Variants in VCPIP1 observed in about 807,000 individuals in gnomAD.
VCPIP1 encodes valosin containing protein interacting protein 1.
VCPIP1 carries 8 observed loss-of-function variants against 85.0 expected under a neutral mutation model. The ratio of observed to expected loss-of-function variants is 0.09; its 90% CI spans 0.06 to 0.17. VCPIP1 has a LOEUF of 0.17. Among genes scored for constraint, VCPIP1 ranks in the 10% least tolerant of loss-of-function variants. VCPIP1 has a pLI of 1.00. For missense variants in VCPIP1, 1,070 were observed against 1,486.3 expected (o/e 0.72, Z 4.61); for synonymous variants, 543 against 544.5 (o/e 1.00, Z 0.04).
In VCPIP1 at chr8:66,630,059, G is replaced by A. The variant is rs897748913; in HGVS notation, c.*4442C>T. On this transcript the variant is annotated 3_prime_UTR_variant, in exon 3 of 3. Coordinates refer to ENST00000310421, the MANE Select transcript of VCPIP1 (RefSeq NM_025054.5). ...AAAGAACATAAAATTACCTTTAAAA[G>A]CTAATGTGGAGAATTTCAGGGGAAA... 1.3e-5 allele frequency: 2 copies of A among 152,026 alleles called. No homozygotes were observed. The highest frequency in any genetic ancestry group is 4.8e-5 in the African/African-American group (2 of 41,366). 9.4% of individuals were successfully genotyped at this position (152,026 alleles called of 1,614,324 possible).
intron 2 of VCPIP1, among the ~76,000 whole-genome samples, chr8:66,640,506 T>G (rs114508893): frequency 0.026 from 3,998 of 152,272 alleles, 185 homozygotes; most frequent in African/African-American, 0.09. Context: ...AGGCCCACCC[T>G]CAAGCCTGGA....
chr8:66,665,149 T>G lies in VCPIP1; in HGVS notation c.1810A>C (p.Arg604=). 6.2e-7 allele frequency: 1 copy of G among 1,611,794 alleles called. No homozygotes were observed. Among genetic ancestry groups the G allele is most frequent in the South Asian group, 1.1e-5 (1 of 90,860 alleles). ...TACTGGAACCAATATACTGTTTCTC[T>G]GACCACTCTTCCACCCCATTCTAAA... is the stretch of plus-strand genomic sequence containing the variant. ...ITLEWGGRVV[R]ETVYWFQYES... is the part of the protein sequence containing the mutation. Residue 604 remains arginine, a synonymous_variant, in exon 1 of 3, where the codon AGA becomes CGA. Coordinates refer to ENST00000310421, the MANE Select transcript of VCPIP1 (RefSeq NM_025054.5). This position sits in a 1 kb window ranked among gnomAD's most constrained non-coding sequence, Gnocchi z 4.3.
At chr8:66,636,331 C>T (rs1446665705) in intron 2 of VCPIP1, among the ~76,000 whole-genome samples, 1 of 151,290 alleles carries the variant, frequency 6.6e-6, no homozygotes, top group African/African-American at 2.4e-5. Context: ...AATCATAGTT[C>T]CACACATGTT....
Position 66,634,192 on chromosome 8 carries a change from T to C in VCPIP1, c.*309A>G, listed in dbSNP as rs1368233469. 1 of 218,984 alleles carries C rather than the reference T, an allele frequency of 4.6e-6. No homozygotes were observed. The highest frequency in any genetic ancestry group is 8.9e-6 in the Non-Finnish European group (1 of 112,560). 13.6% of individuals were successfully genotyped at this position (218,984 alleles called of 1,614,324 possible). On this transcript the variant is annotated 3_prime_UTR_variant, in exon 3 of 3. Coordinates refer to ENST00000310421, the MANE Select transcript of VCPIP1 (RefSeq NM_025054.5). The stretch of plus-strand genomic sequence containing the variant: ...TCAAACGTATTTAAGTAAGAGAATT[T>C]TCATGTTGGAAACATTAAGACTTTC...
intron 2 of VCPIP1, among the ~76,000 whole-genome samples, chr8:66,638,563 A>AG (rs1438904646): frequency 6.6e-6 from 1 of 151,458 alleles, no homozygotes; most frequent in Non-Finnish European, 1.5e-5. Flanking sequence ...GTGGATCACG[A>AG]GGTCAGCAGA....
chr8:66,655,273 T>C (rs1811088689), intron 1 of VCPIP1, among the ~76,000 whole-genome samples: 1 of 152,238 alleles, frequency 6.6e-6, no homozygotes, highest in African/African-American at 2.4e-5. Flanking sequence ...GCAACACTCA[T>C]AGTATTGGTT....
At chr8:66,648,683 T>C (rs1811021906) in intron 2 of VCPIP1, among the ~76,000 whole-genome samples, 1 of 152,088 alleles carries the variant, frequency 6.6e-6, no homozygotes, top group South Asian at 2.1e-4. Context: ...GCCTCCCAAG[T>C]AGCTGGGACT....
In VCPIP1 at chr8:66,629,035, ATTAT is replaced by A. The variant is rs1241633642; in HGVS notation, c.*5462_*5465del. ...AGTAAAATAAGTTTTAATGTAACAAATTATTTAAATAATGTGTGCCCTGTGAGGA... is the reference window on the plus strand; with the variant it reads ...AGTAAAATAAGTTTTAATGTAACAAATTAAATAATGTGTGCCCTGTGAGGA... On this transcript the variant is annotated 3_prime_UTR_variant, in exon 3 of 3. Transcript: ENST00000310421. 1 of 152,240 alleles carries A rather than the reference ATTAT, an allele frequency of 6.6e-6. No individual in the cohort carries two copies. Among genetic ancestry groups the A allele is most frequent in the Non-Finnish European group, 1.5e-5 (1 of 68,056 alleles). 9.4% of individuals were successfully genotyped at this position (152,240 alleles called of 1,614,324 possible). A position where few individuals can be genotyped will look rare whatever the true frequency, so the allele number is the denominator to read the frequency against.
intron 2 of VCPIP1, among the ~76,000 whole-genome samples, chr8:66,644,530 T>A (rs1283443798): frequency 6.6e-6 from 1 of 152,108 alleles, no homozygotes; most frequent in Non-Finnish European, 1.5e-5. Flanking sequence ...GAAAGAAATG[T>A]CCTCAATCAA....
At chr8:66,646,770 T>C (rs1390626572) in intron 2 of VCPIP1, among the ~76,000 whole-genome samples, 2 of 151,826 alleles carry the variant, frequency 1.3e-5, no homozygotes, top group Admixed American at 6.6e-5. Flanking sequence ...CCATCCAACC[T>C]GGGTGACGGA....
rs1006098146 is a variant in VCPIP1, at chr8:66,633,350, T to C, written c.*1151A>G. 6.6e-6 allele frequency: 1 copy of C among 152,540 alleles called. No individual in the cohort carries two copies. Among genetic ancestry groups the C allele is most frequent in the African/African-American group, 2.4e-5 (1 of 41,444 alleles). The allele number at this position is 152,540 out of a possible 1,614,324, so 9.4% of individuals were successfully genotyped here. ...GAAATGTACACTTCAGGATACAGAT[T>C]TGCAGAATAAAATAAAATAGTGCAA... is the stretch of plus-strand genomic sequence containing the variant. On this transcript the variant is annotated 3_prime_UTR_variant, in exon 3 of 3. Transcript: ENST00000310421.
chr8:66,660,331 G>A (rs1586629476), intron 1 of VCPIP1, among the ~76,000 whole-genome samples: 1 of 152,150 alleles, frequency 6.6e-6, no homozygotes, highest in Non-Finnish European at 1.5e-5. Flanking sequence ...ATAATATAGT[G>A]GGGGAGGCAA....
At chr8:66,636,339 G>C (rs548825973) in intron 2 of VCPIP1, among the ~76,000 whole-genome samples, 1 of 149,730 alleles carries the variant, frequency 6.7e-6, no homozygotes, top group Admixed American at 6.7e-5. Context: ...TTCCACACAT[G>C]TTCATCACAG....
rs575218194 is a variant in VCPIP1, at chr8:66,632,473, G to A, written c.*2028C>T. 7.9e-5 allele frequency: 12 copies of A among 152,212 alleles called. No individual in the cohort carries two copies. The East Asian group carries it at 1.7e-3, about 22-fold the overall frequency. The allele number at this position is 152,212 out of a possible 1,614,324, so 9.4% of individuals were successfully genotyped here. ...AATTAATAAAGTTGTCAGAGATTAA[G>A]TCCATCTTCTAACATTCACATACGC... On this transcript the variant is annotated 3_prime_UTR_variant, in exon 3 of 3. Transcript: ENST00000310421.
At position 66,634,691 on chromosome 8, in the gene VCPIP1, G is replaced by T. The variant is rs757410586; in HGVS notation, c.3479C>A (p.Ser1160Tyr). Residue 1160 changes from serine (S) to tyrosine (Y), a missense_variant, in exon 3 of 3, where the codon TCT (serine) becomes TAT (tyrosine). Ser to Tyr is a moderately radical substitution (Grantham distance 144). Coordinates refer to ENST00000310421, the MANE Select transcript of VCPIP1 (RefSeq NM_025054.5). Reference protein sequence around the residue: ...SGSLQTGLPESFPLTGGTENL... With the variant: ...SGSLQTGLPEYFPLTGGTENL... ...TTCAGTACCACCAGTTAAAGGAAAA[G>T]ATTCAGGCAAACCAGTCTGAAGACT... The T allele has an allele frequency of 9.3e-6, 15 of 1,614,162 alleles. No homozygotes were observed. Among genetic ancestry groups the T allele is most frequent in the Middle Eastern group, 1.6e-4 (1 of 6,062 alleles).
chr8:66,634,299 T>C lies in VCPIP1; in HGVS notation c.*202A>G. ...CTCAGCAGATCTAACAGCTAATTTA[T>C]AGAAATTCAGAGCCAGCCTGGGCAG... On this transcript the variant is annotated 3_prime_UTR_variant, in exon 3 of 3. Coordinates refer to ENST00000310421, the MANE Select transcript of VCPIP1 (RefSeq NM_025054.5). 4.3e-6 allele frequency: 2 copies of C among 466,764 alleles called. No homozygotes were observed. Among genetic ancestry groups the C allele is most frequent in the Non-Finnish European group, 7.2e-6 (2 of 279,254 alleles). 28.9% of individuals were successfully genotyped at this position (466,764 alleles called of 1,614,324 possible).
chr8:66,639,321 C>CTTTTTT (rs57563619), intron 2 of VCPIP1, among the ~76,000 whole-genome samples: 6 of 67,808 alleles, frequency 8.8e-5, no homozygotes, highest in Admixed American at 2.7e-4. Context: ...TAATTTTATT[C>CTTTTTT]TTTTTTTTTT....
At chr8:66,646,875 A>C (rs918000464) in intron 2 of VCPIP1, among the ~76,000 whole-genome samples, 3 of 151,868 alleles carry the variant, frequency 2.0e-5, no homozygotes, top group Non-Finnish European at 2.9e-5. Flanking sequence ...AACACAAAAA[A>C]TTAGCCGGGT....
In VCPIP1 at chr8:66,629,586, GCCTGTAA is replaced by G. The variant is rs1460244651; in HGVS notation, c.*4908_*4914del. 3 of 152,174 alleles carry G rather than the reference GCCTGTAA, an allele frequency of 2.0e-5. No individual in the cohort carries two copies. The East Asian group carries it at 5.8e-4, about 29-fold the overall frequency. The allele number at this position is 152,174 out of a possible 1,614,324, so 9.4% of individuals were successfully genotyped here. ...TTGCTGGCAGGGTGCGGTGGCTCAC[GCCTGTAA>G]TCCCAGCACTTAAAGAGGCAGAGGA... On this transcript the variant is annotated 3_prime_UTR_variant, in exon 3 of 3. Transcript: ENST00000310421.
Sources: gnomAD v4.1 joint callset for allele counts (sites outside exome capture counted in the v4.1 genomes callset) on GRCh38, gnomAD v4.1.1 for gene constraint, Gnocchi (gnomAD v3.1) non-coding constraint, MANE v1.5 for transcripts, NCBI Gene and HGNC (gene_info 2026-07-23, HGNC 2026-07-21) for gene names.